The following PSD variants were observed in gnomAD, a reference collection of about 807,000 sequenced individuals.
The protein encoded by PSD is pleckstrin and Sec7 domain containing, also known as PH and SEC7 domain-containing protein 1.
Under a neutral mutation model 91.6 loss-of-function variants are expected in PSD, and 32 were observed. The ratio of observed to expected loss-of-function variants is 0.35; its 90% confidence interval spans 0.26 to 0.47. The LOEUF (loss-of-function observed/expected upper bound fraction) is 0.47, where lower values mean the gene tolerates loss of function less well. Ranked by LOEUF, PSD falls within the 20% of genes least tolerant of loss-of-function variation. The pLI is 1.00. For synonymous variants in PSD, 532 were observed against 569.3 expected, an observed-to-expected ratio of 0.93 and a Z score of 0.93; for missense variants, 1,099 against 1,373.9, an observed-to-expected ratio of 0.80 and a Z score of 3.16.
rs771819443 is a variant in PSD, at chr10:102,417,005, C to G, written c.34G>C (p.Gly12Arg). 8.8e-6 allele frequency: 14 copies of G among 1,589,222 alleles called. No individual in the cohort carries two copies. Among genetic ancestry groups the G allele is most frequent in the Non-Finnish European group, 7.7e-6 (9 of 1,175,542 alleles). The change falls in exon 2 of 17, where the codon GGC becomes CGC. Residue 12 changes from glycine (G) to arginine (R), a missense_variant. This residue lies in a region of PSD where 631 missense variants were observed against 728.8 expected (regional missense o/e 0.87). Transcript: ENST00000020673. ...AQGAMRFCSE[G>R]DCAISPPRCP... ...CGTGGTGGGGAGATGGCACAGTCGC[C>G]TTCCGAGCAGAAGCGCATGGCACCC...
chr10:102,419,155 C>T (rs1005117859), upstream of PSD: 2 of 217,932 alleles, frequency 9.2e-6, no homozygotes, highest in African/African-American at 2.3e-5. This position sits in a 1 kb window ranked among gnomAD's most constrained non-coding sequence, Gnocchi z 4.8. Context: ...GCCACACGCG[C>T]TCCCGCCCCC....
rs945994302 is a variant in PSD at position 102,416,894 on chromosome 10, G to A, written c.145C>T (p.Arg49Ter). 10 of 1,607,116 alleles carry A rather than the reference G, an allele frequency of 6.2e-6. No homozygotes were observed. In the Admixed American group the frequency reaches 6.7e-5, roughly 11 times the overall value. Residue 49 changes from arginine (R) to a stop codon, truncating the protein, a stop_gained, in exon 2 of 17, where the codon CGA (arginine) becomes TGA (stop). Transcript: ENST00000020673. LOFTEE classifies it high-confidence loss of function. This position sits in a 1 kb window ranked among gnomAD's most constrained non-coding sequence, Gnocchi z 6.0. ...CCTCGAGGACCTGGACCTGCCACTC[G>A]CCGTAGCAAGGAGCCTGTGCTGCCA... The part of the protein sequence containing the change: ...MYGSTGSLLR[R>*]VAGPGPRGRE...
chr10:102,404,740 C>T lies in PSD; in HGVS notation c.2556-13G>A, dbSNP rs2135449164. 6.4e-7 allele frequency: 1 copy of T among 1,563,090 alleles called. No individual in the cohort carries two copies. Among genetic ancestry groups the T allele is most frequent in the East Asian group, 2.3e-5 (1 of 44,430 alleles). ...CTGCTCCAGGCTCCTGGGGAGAAAG[C>T]ACAGCCCTTTGGGACCTGGGCCCAG... On this transcript the variant is annotated splice_polypyrimidine_tract_variant and intron_variant, in intron 14 of 16. Transcript: ENST00000020673. The surrounding 1 kb of genome is among the most constrained non-coding windows in gnomAD (Gnocchi z 5.7).
Position 102,404,100 on chromosome 10 carries a change from G to A in PSD, c.2701-115C>T. 2.3e-6 allele frequency: 3 copies of A among 1,311,572 alleles called. No individual in the cohort carries two copies. Among genetic ancestry groups the A allele is most frequent in the South Asian group, 3.3e-5 (2 of 61,020 alleles). 81.2% of individuals were successfully genotyped at this position (1,311,572 alleles called of 1,614,324 possible). A position where few individuals can be genotyped will look rare whatever the true frequency, so the allele number is the denominator to read the frequency against. ...GCGGTGGCTCACGCCTGTAATCCCAGCACTTTGGGAGGCCAAGGCGGGCGG... is the reference window on the plus strand; with the variant it reads ...GCGGTGGCTCACGCCTGTAATCCCAACACTTTGGGAGGCCAAGGCGGGCGG... On this transcript the variant is annotated intron_variant, in intron 15 of 16. Transcript: ENST00000020673. The surrounding 1 kb of genome is among the most constrained non-coding windows in gnomAD (Gnocchi z 5.7).
chr10:102,403,143 G>A lies in PSD; in HGVS notation c.*57C>T, dbSNP rs2061304181. The stretch of plus-strand genomic sequence containing the variant: ...TGGCCCGAGGCCGGCCCGGGCTCAG[G>A]CAGGGCCATGTCATCCTTCAGGTGC... On this transcript the variant is annotated 3_prime_UTR_variant, in exon 17 of 17. Transcript: ENST00000020673. The surrounding 1 kb of genome is among the most constrained non-coding windows in gnomAD (Gnocchi z 6.7). 6 of 1,351,490 alleles carry A rather than the reference G, an allele frequency of 4.4e-6. No homozygotes were observed. The highest frequency in any genetic ancestry group is 1.5e-5 in the African/African-American group (1 of 66,698). 83.7% of individuals were successfully genotyped at this position (1,351,490 alleles called of 1,614,324 possible).
At position 102,417,512 on chromosome 10, in the gene PSD, C is replaced by G. The variant is rs12571805; in HGVS notation, c.-83-391G>C. Reference sequence around the variant, plus strand: ...TGTCACCATCATACAGCCCTGTGACCCCTATAGTCTCTCTTATGGAGGCCC... The same window carrying G: ...TGTCACCATCATACAGCCCTGTGACGCCTATAGTCTCTCTTATGGAGGCCC... On this transcript the variant is annotated intron_variant, in intron 1 of 16. Coordinates refer to ENST00000020673, the MANE Select transcript of PSD (RefSeq NM_002779.5). Among the ~76,000 whole-genome samples the G allele has an allele frequency of 1.3e-4, 20 of 152,070 alleles. No homozygotes were observed. The East Asian group carries it at 3.5e-3, about 27-fold the overall frequency.
At position 102,405,643 on chromosome 10, in the gene PSD, G is replaced by A. The variant is rs945246277; in HGVS notation, c.2136-107C>T. On this transcript the variant is annotated intron_variant, in intron 11 of 16. Transcript: ENST00000020673. The surrounding 1 kb of genome is among the most constrained non-coding windows in gnomAD (Gnocchi z 5.4). Reference sequence around the variant, plus strand: ...AAGCTCCCCCAGTGTTTGTGGCTTGGGGGGCTCAACCTGAGGGTCCTGCCA... The same window carrying A: ...AAGCTCCCCCAGTGTTTGTGGCTTGAGGGGCTCAACCTGAGGGTCCTGCCA... The A allele has an allele frequency of 1.8e-6, 2 of 1,102,576 alleles. No homozygotes were observed. The highest frequency in any genetic ancestry group is 3.1e-4 in the Middle Eastern group (1 of 3,276). The allele number at this position is 1,102,576 out of a possible 1,614,324, so 68.3% of individuals were successfully genotyped here.
chr10:102,410,738 G>A lies in PSD; in HGVS notation c.2091+120C>T. ...CTGAGTCACGAGAGCCCGGGCTTCC[G>A]TGGCAGGAGCCGGGGGTCGGCAAGC... On this transcript the variant is annotated intron_variant, in intron 10 of 16. Transcript: ENST00000020673. The surrounding 1 kb of genome is among the most constrained non-coding windows in gnomAD (Gnocchi z 6.0). 5 of 808,536 alleles carry A rather than the reference G, an allele frequency of 6.2e-6. No individual in the cohort carries two copies. The highest frequency in any genetic ancestry group is 3.0e-5 in the South Asian group (2 of 67,244). 50.1% of individuals were successfully genotyped at this position (808,536 alleles called of 1,614,324 possible). A position where few individuals can be genotyped will look rare whatever the true frequency, so the allele number is the denominator to read the frequency against.
In PSD at chr10:102,413,909, G is replaced by A. The variant is rs1168069754; in HGVS notation, c.1413C>T (p.Ser471=). Reference sequence around the variant, plus strand: ...GTGTCCAAGGACCATCAGCAGCAGAGCTGGTACCAGAATCCGGTTCAAGAG... The same window carrying A: ...GTGTCCAAGGACCATCAGCAGCAGAACTGGTACCAGAATCCGGTTCAAGAG... The part of the protein sequence containing the change: ...LAPLEPDSGT[S]SAADGPWTQR... Residue 471 remains serine, a synonymous_variant, in exon 5 of 17, where the codon AGC becomes AGT. Coordinates refer to ENST00000020673, the MANE Select transcript of PSD (RefSeq NM_002779.5). 6.2e-7 allele frequency: 1 copy of A among 1,614,032 alleles called. No homozygotes were observed. The highest frequency in any genetic ancestry group is 8.5e-7 in the Non-Finnish European group (1 of 1,179,958).
chr10:102,404,762 C>T lies in PSD; in HGVS notation c.2556-35G>A. 6.4e-7 allele frequency: 1 copy of T among 1,555,076 alleles called. No individual in the cohort carries two copies. The highest frequency in any genetic ancestry group is 8.7e-7 in the Non-Finnish European group (1 of 1,149,238). On this transcript the variant is annotated intron_variant, in intron 14 of 16. Coordinates refer to ENST00000020673, the MANE Select transcript of PSD (RefSeq NM_002779.5). This position sits in a 1 kb window ranked among gnomAD's most constrained non-coding sequence, Gnocchi z 5.7. ...AAGCACAGCCCTTTGGGACCTGGGCCCAGGGTTTCTGTCCCAGGATGCCAG... is the reference window on the plus strand; with the variant it reads ...AAGCACAGCCCTTTGGGACCTGGGCTCAGGGTTTCTGTCCCAGGATGCCAG...
rs924168665 is a variant in PSD, at chr10:102,409,119, C to A, written c.2091+1739G>T. ...CTGGCCCGGCCGGCGCGCCGCGGCC[C>A]CCGGCCATGCCCCCGTCCGCCCTCG... On this transcript the variant is annotated intron_variant, in intron 10 of 16. Transcript: ENST00000020673. This position sits in a 1 kb window ranked among gnomAD's most constrained non-coding sequence, Gnocchi z 5.7. The A allele has an allele frequency of 3.2e-5, 31 of 981,650 alleles. No individual in the cohort carries two copies. The highest frequency in any genetic ancestry group is 3.5e-5 in the African/African-American group (2 of 56,764). The allele number at this position is 981,650 out of a possible 1,614,324, so 60.8% of individuals were successfully genotyped here. A position where few individuals can be genotyped will look rare whatever the true frequency, so the allele number is the denominator to read the frequency against.
At chr10:102,408,068 G>T (rs1277694390) in intron 10 of PSD, among the ~76,000 whole-genome samples, 1 of 152,196 alleles carries the variant, frequency 6.6e-6, no homozygotes, top group African/African-American at 2.4e-5. Context: ...GTGGCATGGG[G>T]TCCCCTCTTC....
At chr10:102,408,780 G>T in intron 10 of PSD, 1 of 548,186 alleles carries the variant, frequency 1.8e-6, no homozygotes, top group Non-Finnish European at 2.3e-6. Flanking sequence ...GGCTGCCCAT[G>T]ACCTCTGTCC....
In PSD at chr10:102,404,557, C is replaced by A; in HGVS notation, c.2700+26G>T. ...AGCCTAACACCCTCCATCCCACTGG[C>A]ACTAGGTGGACAGAGCTTGGGCTAC... is the stretch of plus-strand genomic sequence containing the variant. On this transcript the variant is annotated intron_variant, in intron 15 of 16. Transcript: ENST00000020673. The surrounding 1 kb of genome is among the most constrained non-coding windows in gnomAD (Gnocchi z 5.7). The A allele has an allele frequency of 6.2e-7, 1 of 1,607,594 alleles. No homozygotes were observed.
intron 11 of PSD, 72 bp downstream of exon 11, chr10:102,407,151 C>T (rs1296517644): frequency 7.0e-6 from 10 of 1,437,740 alleles, no homozygotes; most frequent in South Asian, 2.6e-5. Context: ...CCTACCCCAG[C>T]TCTCTCAGCC....
chr10:102,411,866 G>A (rs1226847907), intron 7 of PSD, 47 bp from the exon 8 acceptor site: 1 of 1,415,266 alleles, frequency 7.1e-7, no homozygotes, highest in South Asian at 1.2e-5. Context: ...GGAGTTTCCA[G>A]CCTCTGTCTC....
Position 102,403,329 on chromosome 10 carries a change from G to A in PSD, c.2946C>T (p.Ser982=). 1 of 1,614,054 alleles carries A rather than the reference G, an allele frequency of 6.2e-7. No homozygotes were observed. Residue 982 remains serine, a synonymous_variant, in exon 17 of 17, where the codon AGC becomes AGT. Transcript: ENST00000020673. This position sits in a 1 kb window ranked among gnomAD's most constrained non-coding sequence, Gnocchi z 6.7. ...GAGAAGGAGGGAGTCCATCCTCTGT[G>A]CTCCCGGCCTGGGCCAGTGCTGCCT... ...AVEAALAQAG[S]TEDGLPPSHS...
intron 10 of PSD, among the ~76,000 whole-genome samples, chr10:102,408,737 C>T (rs2061391045): frequency 6.6e-6 from 1 of 152,182 alleles, no homozygotes; most frequent in Admixed American, 6.5e-5. Context: ...AGGGTCTGTG[C>T]CCTCCCTGCC....
At position 102,409,318 on chromosome 10, in the gene PSD, G is replaced by T; in HGVS notation, c.2091+1540C>A. On this transcript the variant is annotated intron_variant, in intron 10 of 16. Transcript: ENST00000020673. The surrounding 1 kb of genome is among the most constrained non-coding windows in gnomAD (Gnocchi z 5.7). ...CGGGAGGGGGGCGCCGACGGGAAAG[G>T]GAGGGCGAGGGCTGGGGGCGGGGAC... 1.0e-6 allele frequency: 1 copy of T among 985,514 alleles called. No homozygotes were observed. Among genetic ancestry groups the T allele is most frequent in the South Asian group, 4.6e-5 (1 of 21,688 alleles). The allele number at this position is 985,514 out of a possible 1,614,324, so 61.0% of individuals were successfully genotyped here.
Sources: gnomAD v4.1 joint callset for allele counts (sites outside exome capture counted in the v4.1 genomes callset) on GRCh38, gnomAD v4.1.1 for gene constraint, gnomAD v4.1.1 regional missense constraint, Gnocchi (gnomAD v3.1) non-coding constraint, MANE v1.5 for transcripts, NCBI Gene and HGNC (gene_info 2026-07-23, HGNC 2026-07-21) for gene names.